Variants in NME8 observed in about 807,000 individuals in gnomAD.
The protein encoded by NME8 is NME/NM23 family member 8.
Under a neutral mutation model 82.3 loss-of-function variants are expected in NME8, and 72 were observed. The ratio of observed to expected loss-of-function variants is 0.87; its 90% CI spans 0.72 to 1.06. NME8 has a LOEUF of 1.06. NME8 is among the 50% of genes least tolerant of loss of function. The pLI, the probability that NME8 is intolerant of heterozygous loss-of-function variation, is 0.00. For missense variants in NME8, 712 were observed against 685.4 expected, an observed-to-expected ratio of 1.04 and a Z score of -0.43; for synonymous variants, 267 against 228.5, an observed-to-expected ratio of 1.17 and a Z score of -1.52.
chr7:37,867,793 A>G lies in NME8; in HGVS notation c.713A>G (p.Glu238Gly), dbSNP rs753458140. The change falls in exon 11 of 18, where the codon GAA becomes GGA. Residue 238 changes from glutamate to glycine, a missense_variant. Physicochemically the swap from Glu to Gly is moderately conservative, Grantham distance 98. Transcript: ENST00000199447. ...GGAAGTAAACACAATCCTCCCTCTGAAGAAACCGAACCACAGACTGACACC... is the reference window on the plus strand; with the variant it reads ...GGAAGTAAACACAATCCTCCCTCTGGAGAAACCGAACCACAGACTGACACC... ...SQGSKHNPPS[E>G]ETEPQTDTEP... 4 of 1,613,940 alleles carry G rather than the reference A, an allele frequency of 2.5e-6. No homozygotes were observed. The South Asian group carries it at 4.4e-5, about 18-fold the overall frequency.
At chr7:37,859,985 G>A (rs748053535) in intron 6 of NME8, among the ~76,000 whole-genome samples, 11 of 151,946 alleles carry the variant, frequency 7.2e-5, no homozygotes, top group African/African-American at 9.7e-5. Flanking sequence ...CCCTTTGTAC[G>A]GGTCAGCATT....
At chr7:37,891,425 T>A (rs771924626) in intron 15 of NME8, among the ~76,000 whole-genome samples, 1 of 151,806 alleles carries the variant, frequency 6.6e-6, no homozygotes, top group African/African-American at 2.4e-5. Flanking sequence ...AGGAAAAAAA[T>A]TTAGTAGATG....
chr7:37,850,428 C>T lies in NME8; in HGVS notation c.84C>T (p.Gly28=), dbSNP rs376117068. Residue 28 remains glycine, a synonymous_variant, in exon 4 of 18, where the codon GGC becomes GGT. Transcript: ENST00000199447. The part of the protein sequence containing the change: ...SLWDEMLQNK[G]LTVIDVYQAW... ...GGGATGAGATGTTGCAGAACAAAGGCTTAACAGGTATAAGGACTCCCCGGC... is the reference window on the plus strand; with the variant it reads ...GGGATGAGATGTTGCAGAACAAAGGTTTAACAGGTATAAGGACTCCCCGGC... The T allele has an allele frequency of 6.6e-5, 107 of 1,613,972 alleles. No homozygotes were observed. In the African/African-American group the frequency reaches 1.3e-3, roughly 19 times the overall value.
In NME8 at chr7:37,888,365, C is replaced by T; in HGVS notation, c.1336C>T (p.His446Tyr). Residue 446 changes from histidine (H) to tyrosine (Y), a missense_variant, in exon 15 of 18, where the codon CAT (histidine) becomes TAT (tyrosine). Transcript: ENST00000199447. ...AGAAACCGCTGAAAGGGAAATACAGCATTTCTTTCCTCTTCAAAGCACTTT... is the reference window on the plus strand; with the variant it reads ...AGAAACCGCTGAAAGGGAAATACAGTATTTCTTTCCTCTTCAAAGCACTTT... ...SLETAEREIQ[H>Y]FFPLQSTLGL... The T allele has an allele frequency of 6.2e-7, 1 of 1,613,290 alleles. No individual in the cohort carries two copies. The highest frequency in any genetic ancestry group is 2.2e-5 in the East Asian group (1 of 44,854).
chr7:37,864,485 T>A, intron 9 of NME8, 64 bp downstream of exon 9: 2 of 1,431,344 alleles, frequency 1.4e-6, no homozygotes, highest in South Asian at 2.4e-5. Context: ...AATCGTCAGT[T>A]CAAAGACAAG....
At chr7:37,880,275 C>T (rs1375877794) in intron 12 of NME8, among the ~76,000 whole-genome samples, 1 of 152,118 alleles carries the variant, frequency 6.6e-6, no homozygotes, top group East Asian at 1.9e-4. Context: ...TCATTGCTAA[C>T]CACAAGGTCA....
intron 11 of NME8, among the ~76,000 whole-genome samples, chr7:37,875,803 T>C (rs1446746555): frequency 1.3e-5 from 2 of 151,872 alleles, no homozygotes; most frequent in Non-Finnish European, 2.9e-5. Context: ...AACGGCTAAG[T>C]ACCTAAGGAG....
chr7:37,898,192 A>G (rs140627696), intron 17 of NME8, among the ~76,000 whole-genome samples: 1 of 152,226 alleles, frequency 6.6e-6, no homozygotes, highest in African/African-American at 2.4e-5. Flanking sequence ...AATTGCCTGA[A>G]TGGCCAAAGT....
chr7:37,852,640 C>T (rs2598040), intron 5 of NME8, among the ~76,000 whole-genome samples: 41,105 of 151,874 alleles, frequency 0.27, 5,745 homozygotes, highest in African/African-American at 0.35. Context: ...TAGTGATATG[C>T]GCCATGTCTT....
intron 11 of NME8, among the ~76,000 whole-genome samples, chr7:37,871,782 A>G (rs1784770558): frequency 6.6e-6 from 1 of 152,138 alleles, no homozygotes; most frequent in Non-Finnish European, 1.5e-5. Context: ...GTCCCTATAC[A>G]TGTCATAGCT....
intron 8 of NME8, among the ~76,000 whole-genome samples, chr7:37,863,943 T>G (rs1180101404): frequency 6.6e-6 from 1 of 152,178 alleles, no homozygotes; most frequent in African/African-American, 2.4e-5. Flanking sequence ...AAAAGCTCAT[T>G]ATAAGAATGT....
At chr7:37,856,604 C>G (rs954595274) in intron 5 of NME8, among the ~76,000 whole-genome samples, 1 of 152,146 alleles carries the variant, frequency 6.6e-6, no homozygotes, top group Admixed American at 6.6e-5. Flanking sequence ...GAAGAAGACA[C>G]TATTATTGAA....
chr7:37,882,658 A>G (rs1784981605), intron 12 of NME8, among the ~76,000 whole-genome samples: 3 of 143,334 alleles, frequency 2.1e-5, no homozygotes, highest in African/African-American at 8.3e-5. Context: ...AGAAAGAAAG[A>G]GAAAGAAAGA....
At chr7:37,883,780 T>C (rs370047695) in intron 12 of NME8, among the ~76,000 whole-genome samples, 2 of 152,188 alleles carry the variant, frequency 1.3e-5, no homozygotes, top group South Asian at 4.1e-4. Context: ...GGTGTGAGTA[T>C]TGGATTTTCT....
In NME8 at chr7:37,891,966, T is replaced by G. The variant is rs535692347; in HGVS notation, c.1400-2500T>G. 2.6e-5 allele frequency among the ~76,000 whole-genome samples: 4 copies of G among 152,172 alleles called. No individual in the cohort carries two copies. In the South Asian group the frequency reaches 6.2e-4, roughly 24 times the overall value. On this transcript the variant is annotated intron_variant, in intron 15 of 17. Transcript: ENST00000199447. ...TTTTGAACTTGTGTTAAATGTTAAA[T>G]GTACTTTGTCAGAAAATATATTATT... is the stretch of plus-strand genomic sequence containing the variant.
At chr7:37,894,647 G>C in intron 16 of NME8, 37 bp downstream of exon 16, 4 of 1,517,730 alleles carry the variant, frequency 2.6e-6, no homozygotes, top group Non-Finnish European at 3.6e-6. Flanking sequence ...CATTATAAAA[G>C]TGGTAAATGT....
chr7:37,864,501 C>G, intron 9 of NME8, 80 bp downstream of exon 9: 1 of 1,350,698 alleles, frequency 7.4e-7, no homozygotes. Context: ...ACAAGCGTAC[C>G]ATTTAGAGTG....
chr7:37,852,456 ATATAG>A (rs1784451468), intron 5 of NME8, among the ~76,000 whole-genome samples: 1 of 152,174 alleles, frequency 6.6e-6, no homozygotes, highest in African/African-American at 2.4e-5. Flanking sequence ...TTATGGCATC[ATATAG>A]TATAGTTTCA....
chr7:37,890,091 C>G (rs1326087055), intron 15 of NME8, among the ~76,000 whole-genome samples: 1 of 151,956 alleles, frequency 6.6e-6, no homozygotes, highest in Non-Finnish European at 1.5e-5. Context: ...GTATTGTTTG[C>G]TATCAGGACC....
Sources: gnomAD v4.1 joint callset for allele counts (sites outside exome capture counted in the v4.1 genomes callset) on GRCh38, gnomAD v4.1.1 for gene constraint, MANE v1.5 for transcripts, NCBI Gene and HGNC (gene_info 2026-07-23, HGNC 2026-07-21) for gene names.